SLC5A9: variants seen among roughly 807,000 people sequenced by gnomAD.
SLC5A9 encodes the protein solute carrier family 5 member 9, also known as sodium/glucose cotransporter 4.
SLC5A9 carries 59 observed loss-of-function variants against 70.9 expected under a neutral mutation model. That is an observed-to-expected ratio of 0.83 (90% CI 0.68 to 1.03). The LOEUF is 1.03. Ranked by LOEUF, SLC5A9 falls within the 50% of genes least tolerant of loss-of-function variation. The probability of loss-of-function intolerance (pLI) is 0.00; values close to 1 mark genes in which losing one functional copy is unlikely to be tolerated. For missense variants in SLC5A9, 832 were observed against 881.1 expected (o/e 0.94, Z 0.71); for synonymous variants, 340 against 346.5 (o/e 0.98, Z 0.21).
Position 48,248,006 on chromosome 1 carries a change from A to T in SLC5A9, c.*463A>T, listed in dbSNP as rs552815525. The T allele has an allele frequency of 1.2e-5, 2 of 168,522 alleles. No individual in the cohort carries two copies. The highest frequency in any genetic ancestry group is 2.6e-5 in the Non-Finnish European group (2 of 76,524). 10.4% of individuals were successfully genotyped at this position (168,522 alleles called of 1,614,324 possible). ...AGTTCCCCTACCTCTCTATCTTTCT[A>T]TTCTCACCAATAATCTCTTTGTTGC... On this transcript the variant is annotated 3_prime_UTR_variant, in exon 14 of 14. Coordinates refer to ENST00000438567, the MANE Select transcript of SLC5A9 (RefSeq NM_001011547.3).
intron 13 of SLC5A9, among the ~76,000 whole-genome samples, chr1:48,246,425 A>G (rs988501886): frequency 3.9e-5 from 6 of 152,200 alleles, no homozygotes; most frequent in Non-Finnish European, 8.8e-5. Flanking sequence ...TTCTAAACCC[A>G]TTAAAATAAT....
rs747473679 is a variant in SLC5A9, at chr1:48,229,506, G to A, written c.504+47G>A. On this transcript the variant is annotated intron_variant, in intron 4 of 13. Transcript: ENST00000438567. ...TCACTGTGTCTGGAAATGCTAATTA[G>A]GGAACTGCTGAGTGCATCACCATGT... is the stretch of plus-strand genomic sequence containing the variant. 8.7e-6 allele frequency: 14 copies of A among 1,604,268 alleles called. 1 individual carries two copies. Among genetic ancestry groups the A allele is most frequent in the East Asian group, 6.7e-5 (3 of 44,776 alleles).
chr1:48,241,903 T>C, intron 12 of SLC5A9: 1 of 456,212 alleles, frequency 2.2e-6, no homozygotes, highest in African/African-American at 2.0e-5. Context: ...TTTCAGTCAG[T>C]CATGGTGTCC....
At chr1:48,238,329 C>CT (rs1233181897) in intron 11 of SLC5A9, 2 of 154,334 alleles carry the variant, frequency 1.3e-5, no homozygotes, top group Non-Finnish European at 2.9e-5. Flanking sequence ...CCATGTCTAA[C>CT]AATATAAGGT....
In SLC5A9 at chr1:48,248,155, A is replaced by G. The variant is rs1250153440; in HGVS notation, c.*612A>G. Reference sequence around the variant, plus strand: ...TGGTGACAGATGGTATTTTGGGCAGAAAGCTCTTAGACAATGGACTATCCA... The same window carrying G: ...TGGTGACAGATGGTATTTTGGGCAGGAAGCTCTTAGACAATGGACTATCCA... On this transcript the variant is annotated 3_prime_UTR_variant, in exon 14 of 14. Transcript: ENST00000438567. 8 of 156,594 alleles carry G rather than the reference A, an allele frequency of 5.1e-5. No homozygotes were observed. In the Middle Eastern group the frequency reaches 0.01, roughly 198 times the overall value. 9.7% of individuals were successfully genotyped at this position (156,594 alleles called of 1,614,324 possible). A position where few individuals can be genotyped will look rare whatever the true frequency, so the allele number is the denominator to read the frequency against.
At chr1:48,230,070 C>T (rs1455110902) in intron 4 of SLC5A9, among the ~76,000 whole-genome samples, 1 of 152,212 alleles carries the variant, frequency 6.6e-6, no homozygotes, top group Non-Finnish European at 1.5e-5. Context: ...TTGAGAACAT[C>T]CTAAGTCAGC....
In SLC5A9 at chr1:48,232,527, G is replaced by A. The variant is rs545471613; in HGVS notation, c.1033+25G>A. ...GGTAAGAACGAGCCTTGCTCTCTGG[G>A]TATTGGGATCTGAGGCTTTCAAGGA... On this transcript the variant is annotated intron_variant, in intron 8 of 13. Transcript: ENST00000438567. 1.2e-4 allele frequency: 186 copies of A among 1,613,168 alleles called. 1 individual carries two copies. In the South Asian group the frequency reaches 1.9e-3, roughly 16 times the overall value.
Position 48,229,499 on chromosome 1 carries a change from C to T in SLC5A9, c.504+40C>T, listed in dbSNP as rs773567045. 8.7e-6 allele frequency: 14 copies of T among 1,607,086 alleles called. No individual in the cohort carries two copies. The East Asian group carries it at 2.7e-4, about 31-fold the overall frequency. On this transcript the variant is annotated intron_variant, in intron 4 of 13. Coordinates refer to ENST00000438567, the MANE Select transcript of SLC5A9 (RefSeq NM_001011547.3). ...AATGTGGTCACTGTGTCTGGAAATG[C>T]TAATTAGGGAACTGCTGAGTGCATC...
At chr1:48,246,370 C>T (rs1444976085) in intron 13 of SLC5A9, among the ~76,000 whole-genome samples, 2 of 152,166 alleles carry the variant, frequency 1.3e-5, no homozygotes, top group Non-Finnish European at 2.9e-5. Flanking sequence ...ATCCAAGGTT[C>T]TTGCATCTCT....
intron 9 of SLC5A9, among the ~76,000 whole-genome samples, chr1:48,235,230 A>C (rs1644309854): frequency 6.6e-6 from 1 of 152,190 alleles, no homozygotes; most frequent in Non-Finnish European, 1.5e-5. Flanking sequence ...AATAAGCCCA[A>C]AGCTGCTACC....
chr1:48,238,709 T>G (rs1644359098), intron 11 of SLC5A9: 1 of 152,740 alleles, frequency 6.5e-6, no homozygotes, highest in Admixed American at 6.5e-5. Flanking sequence ...CTGGCTGAAC[T>G]CTGGGTGTTT....
intron 10 of SLC5A9, among the ~76,000 whole-genome samples, chr1:48,237,221 G>C (rs1644338735): frequency 6.6e-6 from 1 of 152,072 alleles, no homozygotes; most frequent in South Asian, 2.1e-4. Context: ...CAATGCCACA[G>C]TAAGGGAGAG....
intron 10 of SLC5A9, 23 bp downstream of exon 10, chr1:48,235,902 C>T: frequency 6.2e-7 from 1 of 1,613,930 alleles, no homozygotes; most frequent in South Asian, 1.1e-5. Flanking sequence ...CTCCTTCCCT[C>T]CTTCCGAAGT....
Position 48,239,654 on chromosome 1 carries a change from ATGTCC to A in SLC5A9, c.1677+119_1677+123del. The stretch of plus-strand genomic sequence containing the variant: ...TATGGTCTCCCCTGTGGCCACACAG[ATGTCC>A]TTGGGAGGGAAAGTGCCTTGGGCTA... On this transcript the variant is annotated intron_variant, in intron 12 of 13. Coordinates refer to ENST00000438567, the MANE Select transcript of SLC5A9 (RefSeq NM_001011547.3). This position sits in a 1 kb window ranked among gnomAD's most constrained non-coding sequence, Gnocchi z 4.2. The A allele has an allele frequency of 1.0e-6, 1 of 969,650 alleles. No homozygotes were observed. The highest frequency in any genetic ancestry group is 1.5e-5 in the South Asian group (1 of 67,214). 60.1% of individuals were successfully genotyped at this position (969,650 alleles called of 1,614,324 possible).
chr1:48,223,390 G>A (rs1355220614), intron 1 of SLC5A9, among the ~76,000 whole-genome samples: 1 of 152,190 alleles, frequency 6.6e-6, no homozygotes, highest in African/African-American at 2.4e-5. Context: ...AGGAGCCTCA[G>A]TGCTAGAGGC....
At chr1:48,227,440 G>GTACTGTGCC (rs1644176472) in intron 2 of SLC5A9, among the ~76,000 whole-genome samples, 1 of 135,536 alleles carries the variant, frequency 7.4e-6, no homozygotes, top group Non-Finnish European at 1.7e-5. Flanking sequence ...GAGTGTGTGT[G>GTACTGTGCC]TGTGTATGTG....
At chr1:48,233,217 C>T (rs368148317) in intron 8 of SLC5A9, among the ~76,000 whole-genome samples, 21 of 151,694 alleles carry the variant, frequency 1.4e-4, no homozygotes, top group African/African-American at 4.1e-4. Flanking sequence ...AAAAATTAGC[C>T]GGGCGTGATG....
chr1:48,242,296 G>A (rs1644399849), intron 12 of SLC5A9, 161 bp from the exon 13 acceptor site: 3 of 769,920 alleles, frequency 3.9e-6, no homozygotes. Context: ...TGAAGAAAGA[G>A]GAAGTCAGGG....
chr1:48,234,510 A>G (rs1261759446), intron 9 of SLC5A9, among the ~76,000 whole-genome samples: 1 of 152,134 alleles, frequency 6.6e-6, no homozygotes, highest in Non-Finnish European at 1.5e-5. Flanking sequence ...TAGGTGGACC[A>G]AGTCAGTGGC....
Sources: gnomAD v4.1 joint callset for allele counts (sites outside exome capture counted in the v4.1 genomes callset) on GRCh38, gnomAD v4.1.1 for gene constraint, Gnocchi (gnomAD v3.1) non-coding constraint, MANE v1.5 for transcripts, NCBI Gene and HGNC (gene_info 2026-07-23, HGNC 2026-07-21) for gene names.